Variants in ARSG observed in about 807,000 individuals in gnomAD.
The protein encoded by ARSG is arylsulfatase G, also known as ASG.
Under a neutral mutation model 50.5 loss-of-function variants are expected in ARSG, and 37 were observed. That is an observed-to-expected ratio of 0.73 (90% CI 0.56 to 0.96). The LOEUF (loss-of-function observed/expected upper bound fraction) is 0.96, where lower values mean the gene tolerates loss of function less well. Among genes scored for constraint, ARSG ranks in the 50% least tolerant of loss-of-function variants. ARSG has a pLI of 0.00. For synonymous variants in ARSG, 225 were observed against 254.6 expected, an observed-to-expected ratio of 0.88 and a Z score of 1.11; for missense variants, 629 against 675.3, an observed-to-expected ratio of 0.93 and a Z score of 0.76.
At chr17:68,261,465 T>G (rs2075069946) in intron 1 of ARSG, among the ~76,000 whole-genome samples, 1 of 152,158 alleles carries the variant, frequency 6.6e-6, no homozygotes, top group South Asian at 2.1e-4. Flanking sequence ...CTATATCTTC[T>G]GCCTCCTGGG....
chr17:68,347,234 C>T (rs1415146653), intron 4 of ARSG, 62 bp downstream of exon 4: 1 of 1,550,458 alleles, frequency 6.4e-7, no homozygotes. Context: ...CTGTGTAAGA[C>T]TCCATGAACA....
intron 2 of ARSG, among the ~76,000 whole-genome samples, chr17:68,323,421 CATT>C (rs2077374182): frequency 6.6e-6 from 1 of 151,970 alleles, no homozygotes; most frequent in African/African-American, 2.4e-5. Flanking sequence ...ATTAATTAAT[CATT>C]ATTATTGTAA....
downstream of ARSG, chr17:68,426,242 T>TGCG (rs2083173132): frequency 1.5e-6 from 1 of 669,004 alleles, no homozygotes; most frequent in Non-Finnish European, 2.2e-6. Context: ...ACCTGGCGGG[T>TGCG]GGGGAGCGGG....
chr17:68,442,446 CAGAGTG>C, the ARSG span, among the ~76,000 whole-genome samples: 1 of 135,728 alleles, frequency 7.4e-6, no homozygotes, highest in Non-Finnish European at 1.5e-5. Context: ...GCCTGGGCAA[CAGAGTG>C]AGACTGTGTC....
At chr17:68,402,681 C>T (rs935408857) in intron 11 of ARSG, among the ~76,000 whole-genome samples, 4 of 152,040 alleles carry the variant, frequency 2.6e-5, no homozygotes, top group Non-Finnish European at 5.9e-5. Flanking sequence ...CCCGCCACCT[C>T]GCCCGCCTTA....
the ARSG span, among the ~76,000 whole-genome samples, chr17:68,433,885 C>A: frequency 6.8e-6 from 1 of 146,394 alleles, no homozygotes; most frequent in Non-Finnish European, 1.5e-5. Flanking sequence ...TGGGTTCAAG[C>A]GATTCTCCTG....
At chr17:68,278,482 C>T in intron 1 of ARSG, 1 of 599,728 alleles carries the variant, frequency 1.7e-6, no homozygotes, top group Non-Finnish European at 2.9e-6. Flanking sequence ...TGGAGTCTTG[C>T]TCTGTCATCC....
intron 8 of ARSG, among the ~76,000 whole-genome samples, chr17:68,374,976 A>G (rs891734663): frequency 6.6e-6 from 1 of 152,010 alleles, no homozygotes; most frequent in Non-Finnish European, 1.5e-5. Flanking sequence ...ACTGTTTTCT[A>G]TTCCTCCTAT....
At chr17:68,350,544 G>A (rs1018278931) in intron 4 of ARSG, among the ~76,000 whole-genome samples, 1 of 151,956 alleles carries the variant, frequency 6.6e-6, no homozygotes, top group Non-Finnish European at 1.5e-5. Flanking sequence ...CCAGCACTTT[G>A]GGAGGCTGAG....
the ARSG span, among the ~76,000 whole-genome samples, chr17:68,450,217 C>T: frequency 1.3e-5 from 2 of 152,104 alleles, no homozygotes; most frequent in East Asian, 1.9e-4. Context: ...AATGAGAACC[C>T]AAGGCTGAAT....
chr17:68,413,260 G>C (rs1005817369), intron 11 of ARSG, among the ~76,000 whole-genome samples: 27 of 152,064 alleles, frequency 1.8e-4, no homozygotes, highest in African/African-American at 6.5e-4. Flanking sequence ...TTTTATCTAC[G>C]TTTGGTCTTT....
At chr17:68,324,569 G>A (rs1310952422) in intron 2 of ARSG, among the ~76,000 whole-genome samples, 1 of 152,324 alleles carries the variant, frequency 6.6e-6, no homozygotes, top group South Asian at 2.1e-4. Flanking sequence ...TTTCCTCCCT[G>A]TAGGGGTCTG....
At chr17:68,313,505 A>G (rs2076945120) in intron 2 of ARSG, among the ~76,000 whole-genome samples, 1 of 152,030 alleles carries the variant, frequency 6.6e-6, no homozygotes, top group South Asian at 2.1e-4. Flanking sequence ...TAATAAAAAT[A>G]CCAGTCTTTG....
At chr17:68,421,957 C>A (rs1390151659), downstream of ARSG, 26 of 1,013,350 alleles carry the variant, frequency 2.6e-5, no homozygotes, top group Non-Finnish European at 3.8e-5. Flanking sequence ...TCTGAACTCG[C>A]TCATGGCCAC....
intron 9 of ARSG, among the ~76,000 whole-genome samples, chr17:68,391,353 C>T (rs1568565652): frequency 1.3e-5 from 2 of 152,106 alleles, no homozygotes; most frequent in African/African-American, 4.8e-5. Flanking sequence ...CTCGAGTGGC[C>T]TGAGTCACTG....
chr17:68,366,387 A>T (rs535689100), intron 6 of ARSG, among the ~76,000 whole-genome samples: 2 of 150,954 alleles, frequency 1.3e-5, no homozygotes, highest in African/African-American at 2.5e-5. Flanking sequence ...CCTGAAAATT[A>T]AAAAAAGCCA....
At chr17:68,276,116 C>G (rs1383851158) in intron 1 of ARSG, among the ~76,000 whole-genome samples, 1 of 151,468 alleles carries the variant, frequency 6.6e-6, no homozygotes, top group Non-Finnish European at 1.5e-5. Flanking sequence ...TTTTTTGAGA[C>G]AGAGTCTTGC....
the ARSG span, chr17:68,434,609 C>T: frequency 1.9e-6 from 3 of 1,613,924 alleles, no homozygotes; most frequent in African/African-American, 1.3e-5. Context: ...GGACAGAGAA[C>T]ACCCGGATGA....
intron 6 of ARSG, among the ~76,000 whole-genome samples, chr17:68,362,643 GT>G (rs1158177999): frequency 1.3e-5 from 2 of 152,140 alleles, no homozygotes; most frequent in Non-Finnish European, 2.9e-5. Flanking sequence ...TTTTTAAAGA[GT>G]TTGGACTATT....
Sources: allele counts gnomAD v4.1 joint callset (sites outside exome capture counted in the v4.1 genomes callset), GRCh38; gene constraint gnomAD v4.1.1; transcripts MANE v1.5; gene names NCBI Gene and HGNC (gene_info 2026-07-23, HGNC 2026-07-21).